LRRTM3: variants seen among roughly 807,000 people sequenced by gnomAD.
The protein encoded by LRRTM3 is leucine-rich repeat transmembrane neuronal protein 3.
Under a neutral mutation model 44.7 loss-of-function variants are expected in LRRTM3, and 24 were observed. That is an observed-to-expected ratio of 0.54 (90% CI 0.39 to 0.76). The LOEUF is 0.76. Ranked by LOEUF, LRRTM3 falls within the 30% of genes least tolerant of loss-of-function variation. LRRTM3 has a pLI of 0.00. For missense variants in LRRTM3, 587 were observed against 702.2 expected (o/e 0.84, Z 1.85); for synonymous variants, 277 against 278.7 (o/e 0.99, Z 0.06).
At chr10:66,957,419 TATATATATGCATATATATATATGC>T (rs1564793969) in intron 2 of LRRTM3, among the ~76,000 whole-genome samples, 2 of 32,976 alleles carry the variant, frequency 6.1e-5, no homozygotes, top group Non-Finnish European at 1.1e-4. Flanking sequence ...TATATGCATA[TATATATATGCATATATATATATGC>T]ATATATATAT....
chr10:67,015,185 C>A (rs1333115352), intron 2 of LRRTM3: 2 of 152,076 alleles, frequency 1.3e-5, no homozygotes, highest in African/African-American at 2.4e-5. Context: ...ACATATTAAT[C>A]ATTTTCATTA....
At chr10:67,086,975 G>T (rs1857347343) in intron 2 of LRRTM3, among the ~76,000 whole-genome samples, 2 of 151,966 alleles carry the variant, frequency 1.3e-5, no homozygotes, top group African/African-American at 4.8e-5. Context: ...AGAAGAATGA[G>T]ATGTTTTCAT....
intron 2 of LRRTM3, among the ~76,000 whole-genome samples, chr10:67,064,147 T>C (rs1320576866): frequency 6.6e-6 from 1 of 152,204 alleles, no homozygotes; most frequent in Admixed American, 6.5e-5. Context: ...GTTTTTTTCA[T>C]GAATATGATA....
At chr10:67,055,849 C>G (rs960350899) in intron 2 of LRRTM3, among the ~76,000 whole-genome samples, 5 of 152,044 alleles carry the variant, frequency 3.3e-5, no homozygotes, top group Non-Finnish European at 7.4e-5. Flanking sequence ...GATAAGTTGC[C>G]ACTGTAAATG....
chr10:66,980,097 A>G lies in LRRTM3; in HGVS notation c.1536+51645A>G, dbSNP rs868761958. Among the ~76,000 whole-genome samples the G allele has an allele frequency of 2.5e-4, 38 of 152,254 alleles. 1 individual carries two copies. In the Middle Eastern group the frequency reaches 0.01, roughly 41 times the overall value. ...TAATAACTTGTAAAGCACCAACTGT[A>G]TTTCCTGGTTACTAATCAAATTTGT... On this transcript the variant is annotated intron_variant, in intron 2 of 2. Transcript: ENST00000361320.
intron 2 of LRRTM3, among the ~76,000 whole-genome samples, chr10:66,942,593 T>C (rs1222237149): frequency 2.6e-5 from 4 of 152,004 alleles, no homozygotes; most frequent in African/African-American, 9.7e-5. Flanking sequence ...TGTGTATGTG[T>C]GTGTGTGTGT....
In LRRTM3 at chr10:66,976,314, G is replaced by A. The variant is rs146577828; in HGVS notation, c.1536+47862G>A. On this transcript the variant is annotated intron_variant, in intron 2 of 2. Coordinates refer to ENST00000361320, the MANE Select transcript of LRRTM3 (RefSeq NM_178011.5). Reference sequence around the variant, plus strand: ...CCCCTGTAAAAGGGATATTTCAGCTGAGACCTGAAATTAAGGAACTGGTAA... The same window carrying A: ...CCCCTGTAAAAGGGATATTTCAGCTAAGACCTGAAATTAAGGAACTGGTAA... 7.4e-3 allele frequency among the ~76,000 whole-genome samples: 1,123 copies of A among 152,260 alleles called. 6 individuals are homozygous for A. The highest frequency in any genetic ancestry group is 0.01 in the Non-Finnish European group (714 of 68,022).
chr10:66,938,541 A>G (rs958627305), intron 2 of LRRTM3, among the ~76,000 whole-genome samples: 1 of 152,192 alleles, frequency 6.6e-6, no homozygotes, highest in East Asian at 1.9e-4. Flanking sequence ...TGGCATCTTC[A>G]TGTTGAGTAG....
intron 2 of LRRTM3, among the ~76,000 whole-genome samples, chr10:67,017,487 C>T (rs2133060979): frequency 6.6e-6 from 1 of 152,246 alleles, no homozygotes; most frequent in South Asian, 2.1e-4. Flanking sequence ...TGCTGGCATC[C>T]ACAATCTATC....
At chr10:66,992,644 G>A (rs1851105784) in intron 2 of LRRTM3, among the ~76,000 whole-genome samples, 1 of 151,860 alleles carries the variant, frequency 6.6e-6, no homozygotes, top group South Asian at 2.1e-4. Context: ...CAGGGTTATA[G>A]AACTATTTTC....
chr10:67,056,830 G>A (rs988471271), intron 2 of LRRTM3, among the ~76,000 whole-genome samples: 2 of 152,162 alleles, frequency 1.3e-5, no homozygotes, highest in African/African-American at 4.8e-5. Context: ...TCATTTACTT[G>A]TATAACCTGC....
chr10:66,971,424 C>T (rs1169623112), intron 2 of LRRTM3, among the ~76,000 whole-genome samples: 1 of 24,766 alleles, frequency 4.0e-5, no homozygotes, highest in Non-Finnish European at 3.7e-4. Context: ...GAGACTCCGT[C>T]TCAAAAAAAA....
At chr10:66,959,124 T>C (rs1253395935) in intron 2 of LRRTM3, among the ~76,000 whole-genome samples, 3 of 152,184 alleles carry the variant, frequency 2.0e-5, no homozygotes, top group Non-Finnish European at 4.4e-5. Context: ...TCTGCTGCTA[T>C]TTTACACCCT....
intron 2 of LRRTM3, among the ~76,000 whole-genome samples, chr10:66,964,841 C>T (rs1331519812): frequency 6.6e-6 from 1 of 152,108 alleles, no homozygotes; most frequent in African/African-American, 2.4e-5. Flanking sequence ...TGAGCTTCAT[C>T]GCTCACAGAA....
chr10:67,066,815 T>C (rs1397904993), intron 2 of LRRTM3, among the ~76,000 whole-genome samples: 1 of 152,214 alleles, frequency 6.6e-6, no homozygotes, highest in Non-Finnish European at 1.5e-5. Context: ...GCTTACCATC[T>C]AGCAGAAGGA....
At position 67,010,204 on chromosome 10, in the gene LRRTM3, A is replaced by C. The variant is rs138380623; in HGVS notation, c.1536+81752A>C. Among the ~76,000 whole-genome samples, 271 of 152,274 alleles carry C rather than the reference A, an allele frequency of 1.8e-3. 4 individuals are homozygous for C. Among genetic ancestry groups the C allele is most frequent in the Non-Finnish European group, 4.0e-4 (27 of 68,020 alleles). Reference sequence around the variant, plus strand: ...GATTACACATATCATTTATAAATACATATTGTTCTTTAGAAAAGTTATTAT... The same window carrying C: ...GATTACACATATCATTTATAAATACCTATTGTTCTTTAGAAAAGTTATTAT... On this transcript the variant is annotated intron_variant, in intron 2 of 2. Transcript: ENST00000361320.
At chr10:67,035,553 G>A (rs1345890534) in intron 2 of LRRTM3, among the ~76,000 whole-genome samples, 4 of 151,946 alleles carry the variant, frequency 2.6e-5, no homozygotes, top group African/African-American at 7.2e-5. Flanking sequence ...ATTCTAACTC[G>A]GAGAACTTTT....
intron 2 of LRRTM3, among the ~76,000 whole-genome samples, chr10:66,943,026 T>C (rs1173160366): frequency 2.0e-5 from 3 of 152,204 alleles, no homozygotes; most frequent in East Asian, 1.9e-4. Context: ...GGGCAAGGGA[T>C]ATCAGAAATT....
At chr10:67,094,780 C>T (rs1411027749) in intron 2 of LRRTM3, among the ~76,000 whole-genome samples, 1 of 151,592 alleles carries the variant, frequency 6.6e-6, no homozygotes, top group Non-Finnish European at 1.5e-5. Flanking sequence ...CATAATTCAA[C>T]AAAGACTTAC....
Sources: gnomAD v4.1 joint callset for allele counts (sites outside exome capture counted in the v4.1 genomes callset) on GRCh38, gnomAD v4.1.1 for gene constraint, MANE v1.5 for transcripts, NCBI Gene and HGNC (gene_info 2026-07-23, HGNC 2026-07-21) for gene names.